The following PRKCB variants were observed in gnomAD, a reference collection of about 807,000 sequenced individuals.
PRKCB encodes the protein protein kinase C beta, also known as protein kinase C beta type.
A neutral mutation model predicts 81.5 loss-of-function variants in PRKCB; 13 were observed. That is an observed-to-expected ratio of 0.16 (90% CI 0.10 to 0.25). The LOEUF (loss-of-function observed/expected upper bound fraction) is 0.25, where lower values mean the gene tolerates loss of function less well. Ranked by LOEUF, PRKCB falls within the 10% of genes least tolerant of loss-of-function variation. The probability of loss-of-function intolerance (pLI) is 1.00; values close to 1 mark genes in which losing one functional copy is unlikely to be tolerated. For missense variants in PRKCB, 509 were observed against 875.7 expected (o/e 0.58, Z 5.29); for synonymous variants, 335 against 321.4 (o/e 1.04, Z -0.45).
intron 2 of PRKCB, among the ~76,000 whole-genome samples, chr16:23,842,325 G>A (rs1962282397): frequency 6.6e-6 from 1 of 152,184 alleles, no homozygotes; most frequent in South Asian, 2.1e-4. Context: ...ATGAGGTGGT[G>A]CATGAGAAAT....
At chr16:24,168,452 T>C (rs1967380188) in intron 10 of PRKCB, among the ~76,000 whole-genome samples, 1 of 151,592 alleles carries the variant, frequency 6.6e-6, no homozygotes, top group Non-Finnish European at 1.5e-5. Context: ...CCAAAACATA[T>C]ATTCCACAAA....
chr16:23,869,954 G>A (rs1461661166), intron 2 of PRKCB, among the ~76,000 whole-genome samples: 2 of 152,030 alleles, frequency 1.3e-5, no homozygotes, highest in East Asian at 1.9e-4. Flanking sequence ...CCTGGGAGGC[G>A]GAGGTTGCGG....
intron 3 of PRKCB, among the ~76,000 whole-genome samples, chr16:23,998,056 A>G (rs954633605): frequency 6.6e-5 from 10 of 152,362 alleles, no homozygotes; most frequent in Admixed American, 2.0e-4. Flanking sequence ...CTTCATTGAC[A>G]TAGGCAGGCA....
chr16:24,002,976 G>T (rs7199336), intron 3 of PRKCB, among the ~76,000 whole-genome samples: 13,999 of 151,958 alleles, frequency 0.092, 1,951 homozygotes, highest in African/African-American at 0.31. Context: ...GGAGGGGAGA[G>T]TGAGACCCTC....
chr16:24,033,825 T>G (rs1965579921), intron 4 of PRKCB, among the ~76,000 whole-genome samples: 1 of 151,328 alleles, frequency 6.6e-6, no homozygotes, highest in South Asian at 2.1e-4. Flanking sequence ...TTACACAGGC[T>G]CATGCAGAGG....
chr16:24,020,144 C>G (rs1965339724), intron 3 of PRKCB, among the ~76,000 whole-genome samples: 2 of 152,168 alleles, frequency 1.3e-5, no homozygotes, highest in South Asian at 2.1e-4. Flanking sequence ...CACAGCTTTT[C>G]AACAGAAACT....
Position 24,061,305 on chromosome 16 carries a change from C to T in PRKCB, c.529+25758C>T, listed in dbSNP as rs529132064. On this transcript the variant is annotated intron_variant, in intron 5 of 16. Coordinates refer to ENST00000643927, the MANE Select transcript of PRKCB (RefSeq NM_002738.7). ...CAAACTCCTGAGCTCAAGTGATCTGCCCACTTTGGCCCCGCAAAGTGCTGG... is the reference window on the plus strand; with the variant it reads ...CAAACTCCTGAGCTCAAGTGATCTGTCCACTTTGGCCCCGCAAAGTGCTGG... Among the ~76,000 whole-genome samples, 20 of 152,320 alleles carry T rather than the reference C, an allele frequency of 1.3e-4. No individual in the cohort carries two copies. In the South Asian group the frequency reaches 3.7e-3, roughly 28 times the overall value.
intron 3 of PRKCB, among the ~76,000 whole-genome samples, chr16:24,007,977 G>C (rs1424442159): frequency 6.7e-6 from 1 of 149,994 alleles, no homozygotes; most frequent in East Asian, 2.0e-4. Flanking sequence ...CAGTGGTCTA[G>C]GATTCTAGGA....
At chr16:24,186,575 C>T (rs540398903) in intron 15 of PRKCB, among the ~76,000 whole-genome samples, 1 of 152,246 alleles carries the variant, frequency 6.6e-6, no homozygotes, top group African/African-American at 2.4e-5. Flanking sequence ...ACCTGTGTGT[C>T]TGAATAAACC....
intron 9 of PRKCB, among the ~76,000 whole-genome samples, chr16:24,126,404 T>G (rs1966844353): frequency 6.6e-6 from 1 of 152,164 alleles, no homozygotes; most frequent in Non-Finnish European, 1.5e-5. Context: ...TTTTTTTTTC[T>G]TTTTGAGATA....
intron 2 of PRKCB, among the ~76,000 whole-genome samples, chr16:23,943,251 A>T (rs1964160078): frequency 6.6e-6 from 1 of 152,198 alleles, no homozygotes; most frequent in African/African-American, 2.4e-5. Context: ...GTGGCCAGGC[A>T]CAGTGGCTTA....
At chr16:23,849,459 A>G (rs947212335) in intron 2 of PRKCB, among the ~76,000 whole-genome samples, 1 of 152,146 alleles carries the variant, frequency 6.6e-6, no homozygotes, top group Non-Finnish European at 1.5e-5. Context: ...TTTAGAGTTT[A>G]GTGAGTGCTG....
chr16:23,978,691 G>A lies in PRKCB; in HGVS notation c.206-9817G>A, dbSNP rs189313346. Among the ~76,000 whole-genome samples the A allele has an allele frequency of 3.5e-4, 53 of 152,298 alleles. 1 individual carries two copies. In the East Asian group the frequency reaches 7.1e-3, roughly 21 times the overall value. ...GTCAAGTTAGATGGTGGGGTATACT[G>A]TGGGTAGATGCCGGGCTAAGCATTT... On this transcript the variant is annotated intron_variant, in intron 2 of 16. Transcript: ENST00000643927.
chr16:24,145,588 G>A (rs1966977369), intron 9 of PRKCB, among the ~76,000 whole-genome samples: 1 of 152,256 alleles, frequency 6.6e-6, no homozygotes, highest in African/African-American at 2.4e-5. Context: ...TCTTGTGATT[G>A]TACTGGATGA....
At chr16:23,842,196 A>C (rs913185155) in intron 2 of PRKCB, among the ~76,000 whole-genome samples, 11 of 152,144 alleles carry the variant, frequency 7.2e-5, no homozygotes, top group African/African-American at 2.7e-4. Flanking sequence ...TGTATCTCTG[A>C]TGGAGCCGCT....
At position 23,900,291 on chromosome 16, in the gene PRKCB, T is replaced by C. The variant is rs186744980; in HGVS notation, c.205+62885T>C. Among the ~76,000 whole-genome samples, 28 of 152,374 alleles carry C rather than the reference T, an allele frequency of 1.8e-4. No homozygotes were observed. In the East Asian group the frequency reaches 4.4e-3, roughly 24 times the overall value. On this transcript the variant is annotated intron_variant, in intron 2 of 16. Coordinates refer to ENST00000643927, the MANE Select transcript of PRKCB (RefSeq NM_002738.7). ...AGAGATATCAATTCTTATGCAGTTA[T>C]CACTGTGTACAGGAAATTGTGTGTT... is the stretch of plus-strand genomic sequence containing the variant.
intron 3 of PRKCB, among the ~76,000 whole-genome samples, chr16:24,016,490 C>T (rs912787036): frequency 1.4e-4 from 21 of 151,674 alleles, no homozygotes; most frequent in African/African-American, 4.4e-4. Flanking sequence ...CCAAGAAGAC[C>T]CAAGAAAATA....
intron 12 of PRKCB, among the ~76,000 whole-genome samples, chr16:24,180,427 A>T (rs1393267055): frequency 2.0e-5 from 3 of 152,208 alleles, no homozygotes; most frequent in Non-Finnish European, 1.5e-5. Flanking sequence ...TACAAAATAT[A>T]AGGAGTCTTT....
At chr16:24,119,141 T>C (rs1444758901) in intron 8 of PRKCB, among the ~76,000 whole-genome samples, 8 of 144,426 alleles carry the variant, frequency 5.5e-5, no homozygotes, top group East Asian at 2.0e-4. Context: ...TTTTTTTTTT[T>C]CCAGGGTTAT....
Sources: allele counts gnomAD v4.1 joint callset (sites outside exome capture counted in the v4.1 genomes callset), GRCh38; gene constraint gnomAD v4.1.1; transcripts MANE v1.5; gene names NCBI Gene and HGNC (gene_info 2026-07-23, HGNC 2026-07-21).